BICDL1: variants seen among roughly 807,000 people sequenced by gnomAD.
The protein encoded by BICDL1 is BICD family-like cargo adapter 1.
BICDL1 carries 20 observed loss-of-function variants against 76.8 expected under a neutral mutation model. That is an observed-to-expected ratio of 0.26 (90% CI 0.18 to 0.38). BICDL1 has a LOEUF of 0.38. Ranked by LOEUF, BICDL1 falls within the 10% of genes least tolerant of loss-of-function variation. The pLI is 1.00. For missense variants in BICDL1, 700 were observed against 798.6 expected (o/e 0.88, Z 1.49); for synonymous variants, 383 against 337.1 (o/e 1.14, Z -1.49).
rs1243701882 is a variant in BICDL1, at chr12:120,093,095, TGGGC to T, written c.1804_1807del (p.Arg602GlyfsTer58). On this transcript the variant is annotated frameshift_variant, in exon 10 of 10. Transcript: ENST00000548673. LOFTEE classifies it high-confidence loss of function. ...CTGCCCTCTGCAGGGGCCACAGCGC[TGGGC>T]GGGGGGATGAGCCCAGCATCGCTGA... 6.6e-7 allele frequency: 1 copy of T among 1,520,464 alleles called. No homozygotes were observed. Among genetic ancestry groups the T allele is most frequent in the African/African-American group, 1.4e-5 (1 of 71,036 alleles). 94.2% of individuals were successfully genotyped at this position (1,520,464 alleles called of 1,614,324 possible).
chr12:120,057,044 T>G, intron 2 of BICDL1: 2 of 517,006 alleles, frequency 3.9e-6, no homozygotes. Context: ...AATGGATGCC[T>G]TAGAGGAAGA....
rs1379782472 is a variant in BICDL1, at chr12:120,064,754, A to G, written c.784A>G (p.Lys262Glu). 7 of 1,612,228 alleles carry G rather than the reference A, an allele frequency of 4.3e-6. No homozygotes were observed. Among genetic ancestry groups the G allele is most frequent in the Non-Finnish European group, 5.9e-6 (7 of 1,179,250 alleles). Residue 262 changes from lysine (K) to glutamate (E), a missense_variant, in exon 4 of 10, where the codon AAA (lysine) becomes GAA (glutamate). By Grantham distance (56) the Lys-to-Glu change is moderately conservative. Around this residue, in one of 3 missense-constraint regions of BICDL1, gnomAD observed 455 missense variants for 548.7 expected, o/e 0.83. Transcript: ENST00000548673. The stretch of plus-strand genomic sequence containing the variant: ...TCAGATCAAGATGCTGTCAGATCGG[A>G]AACGGGAGCTGGAGCATCGTCTCAG... ...QAEIKMLSDR[K>E]RELEHRLSAT...
chr12:120,008,788 T>C (rs1041669993), intron 2 of BICDL1, among the ~76,000 whole-genome samples: 1 of 152,170 alleles, frequency 6.6e-6, no homozygotes, highest in Non-Finnish European at 1.5e-5. Context: ...AAAAGTGGTA[T>C]ATTGAGAGGA....
intron 3 of BICDL1, among the ~76,000 whole-genome samples, chr12:120,063,552 A>G (rs1280239237): frequency 6.6e-6 from 1 of 152,146 alleles, no homozygotes; most frequent in African/African-American, 2.4e-5. Context: ...CTAGACATTC[A>G]TTTCAGGATT....
intron 2 of BICDL1, among the ~76,000 whole-genome samples, chr12:120,003,883 T>G (rs1424346317): frequency 2.0e-5 from 3 of 152,200 alleles, no homozygotes; most frequent in African/African-American, 7.2e-5. Context: ...ATGGGACGAT[T>G]GGCCATTATT....
chr12:120,001,836 G>A (rs536143865), intron 2 of BICDL1, among the ~76,000 whole-genome samples: 1 of 152,216 alleles, frequency 6.6e-6, no homozygotes, highest in African/African-American at 2.4e-5. Context: ...GATCACTTGA[G>A]GCCAAGAGCT....
intron 2 of BICDL1, chr12:120,018,903 G>A (rs953364199): frequency 5.3e-5 from 8 of 151,938 alleles, no homozygotes; most frequent in African/African-American, 1.5e-4. Context: ...AAATTAGCCG[G>A]GCGTAGTGGC....
At chr12:120,031,736 A>T (rs888819001) in intron 2 of BICDL1, among the ~76,000 whole-genome samples, 2 of 152,206 alleles carry the variant, frequency 1.3e-5, no homozygotes, top group African/African-American at 4.8e-5. Flanking sequence ...CATTCATGAA[A>T]GTGGTAGATC....
chr12:120,046,416 C>G (rs182902309), intron 2 of BICDL1, among the ~76,000 whole-genome samples: 19 of 152,326 alleles, frequency 1.2e-4, no homozygotes, highest in African/African-American at 3.8e-4. Context: ...AATATAGTAA[C>G]AGCAACAGCT....
intron 8 of BICDL1, among the ~76,000 whole-genome samples, chr12:120,085,177 G>C (rs912343414): frequency 6.6e-6 from 1 of 152,270 alleles, no homozygotes; most frequent in South Asian, 2.1e-4. Context: ...GGGGTGCAGC[G>C]GCTCAGGCCT....
intron 2 of BICDL1, among the ~76,000 whole-genome samples, chr12:120,040,963 T>C (rs7139220): frequency 0.038 from 5,706 of 152,098 alleles, 337 homozygotes; most frequent in African/African-American, 0.13. Flanking sequence ...GCCAGGATGG[T>C]CTCAAACTCC....
At chr12:120,032,707 T>C (rs1952447280) in intron 2 of BICDL1, among the ~76,000 whole-genome samples, 1 of 152,044 alleles carries the variant, frequency 6.6e-6, no homozygotes, top group Non-Finnish European at 1.5e-5. Context: ...TACAAATCTT[T>C]AGGGACCTTC....
At chr12:120,081,686 T>C (rs1284390489) in intron 8 of BICDL1, among the ~76,000 whole-genome samples, 3 of 152,062 alleles carry the variant, frequency 2.0e-5, no homozygotes, top group African/African-American at 7.2e-5. Flanking sequence ...CCTCACCTTT[T>C]TTTTTTAGTT....
At chr12:120,062,019 G>A (rs565300892) in intron 3 of BICDL1, among the ~76,000 whole-genome samples, 193 bp downstream of exon 3, 96 of 152,250 alleles carry the variant, frequency 6.3e-4, no homozygotes, top group African/African-American at 2.0e-3. Context: ...AGTTACTGCC[G>A]GGTGTGTTGA....
chr12:120,058,321 G>A (rs57458743), intron 2 of BICDL1, among the ~76,000 whole-genome samples: 8,473 of 152,208 alleles, frequency 0.056, 468 homozygotes, highest in African/African-American at 0.14. Flanking sequence ...TTTCTAAGAA[G>A]ATCGCTTTGA....
chr12:120,092,939 A>C, intron 9 of BICDL1, 61 bp from the exon 10 acceptor site: 5 of 1,490,002 alleles, frequency 3.4e-6, no homozygotes, highest in Non-Finnish European at 4.5e-6. Flanking sequence ...CTCCCTGTCC[A>C]GCCCCAGGGT....
intron 2 of BICDL1, among the ~76,000 whole-genome samples, chr12:120,025,242 G>A (rs1271904924): frequency 6.6e-6 from 1 of 151,608 alleles, no homozygotes; most frequent in Non-Finnish European, 1.5e-5. Context: ...AGTAGAGATG[G>A]GGTTTCACCG....
intron 2 of BICDL1, among the ~76,000 whole-genome samples, chr12:120,006,951 G>A (rs11064990): frequency 0.086 from 13,049 of 152,114 alleles, 686 homozygotes; most frequent in African/African-American, 0.14. Context: ...ATGAAGAAGC[G>A]ACTCCCCAGG....
chr12:120,027,117 G>A (rs1287842776), intron 2 of BICDL1, among the ~76,000 whole-genome samples: 4 of 138,916 alleles, frequency 2.9e-5, no homozygotes, highest in South Asian at 4.6e-4. Flanking sequence ...TGCAACCTCC[G>A]CCTCCTGGGT....
Sources: allele counts gnomAD v4.1 joint callset (sites outside exome capture counted in the v4.1 genomes callset), GRCh38; gene constraint gnomAD v4.1.1; regional missense constraint gnomAD v4.1.1; transcripts MANE v1.5; gene names NCBI Gene and HGNC (gene_info 2026-07-23, HGNC 2026-07-21).